The following IARS1 variants were observed in gnomAD, a reference collection of about 807,000 sequenced individuals.
IARS1 encodes isoleucine--tRNA ligase, cytoplasmic.
A neutral mutation model predicts 168.2 loss-of-function variants in IARS1; 124 were observed. That is an observed-to-expected ratio of 0.74 (90% CI 0.64 to 0.86). The LOEUF is 0.86. IARS1 is among the 40% of genes least tolerant of loss of function. The probability of loss-of-function intolerance (pLI) is 0.00; values close to 1 mark genes in which losing one functional copy is unlikely to be tolerated. For missense variants in IARS1, 1,452 were observed against 1,515.8 expected (o/e 0.96, Z 0.70); for synonymous variants, 532 against 529.4 (o/e 1.00, Z -0.07).
intron 30 of IARS1, 23 bp from the exon 31 acceptor site, chr9:92,229,149 CCTCA>C (rs1826227065): frequency 3.1e-6 from 5 of 1,604,644 alleles, no homozygotes; most frequent in Non-Finnish European, 4.3e-6. Flanking sequence ...AAAAATAACA[CCTCA>C]ATCAGACAAA....
Position 92,278,236 on chromosome 9 carries a change from G to GCCA in IARS1, c.795_796insTGG (p.Ala265_Leu266insTrp). On this transcript the variant is annotated inframe_insertion, in exon 8 of 34. Transcript: ENST00000443024. ...TCATAGTCACTCTCCAATTTATAGA[G>GCCA]GGCTGACAATCTGGCTTCCATTAAA... is the stretch of plus-strand genomic sequence containing the variant. 1 of 1,612,470 alleles carries GCCA rather than the reference G, an allele frequency of 6.2e-7. No homozygotes were observed.
chr9:92,222,781 C>T (rs571879436), intron 32 of IARS1, 109 bp from the exon 33 acceptor site: 21 of 981,462 alleles, frequency 2.1e-5, no homozygotes, highest in Admixed American at 4.7e-5. Flanking sequence ...GCCAGCAGTG[C>T]GTCCAGGAGC....
chr9:92,287,656 G>T, intron 4 of IARS1, 135 bp downstream of exon 4: 1 of 894,534 alleles, frequency 1.1e-6, no homozygotes, highest in Non-Finnish European at 1.6e-6. Flanking sequence ...TTAAGTAATA[G>T]GGTTGAAGGT....
intron 33 of IARS1, among the ~76,000 whole-genome samples, chr9:92,222,220 G>A (rs1334917322): frequency 6.6e-6 from 1 of 151,592 alleles, no homozygotes; most frequent in East Asian, 2.0e-4. Flanking sequence ...GGAAGTCTGA[G>A]GCAGGAGAAT....
intron 19 of IARS1, among the ~76,000 whole-genome samples, chr9:92,258,499 G>A (rs1831048130): frequency 6.6e-6 from 1 of 152,230 alleles, no homozygotes; most frequent in Non-Finnish European, 1.5e-5. Flanking sequence ...GGGAGGCTGA[G>A]GCAGTGCCTC....
chr9:92,268,942 A>T (rs1316737750), intron 13 of IARS1, among the ~76,000 whole-genome samples: 2 of 152,138 alleles, frequency 1.3e-5, no homozygotes, highest in African/African-American at 4.8e-5. Context: ...AATCCTTTTC[A>T]AGCACAAGGC....
chr9:92,247,921 T>A (rs1282137702), intron 25 of IARS1, among the ~76,000 whole-genome samples: 1 of 152,008 alleles, frequency 6.6e-6, no homozygotes, highest in South Asian at 2.1e-4. Context: ...GAGGGGAAAA[T>A]GGTTTGTGAA....
chr9:92,239,716 G>GC (rs1199874814), intron 30 of IARS1, among the ~76,000 whole-genome samples: 3 of 152,082 alleles, frequency 2.0e-5, no homozygotes, highest in Non-Finnish European at 4.4e-5. Flanking sequence ...GCTCATTACT[G>GC]CCCCCCACTA....
rs1272817914 is a variant in IARS1 at position 92,285,851 on chromosome 9, T to TG, written c.480-13dup. 2.1e-6 allele frequency: 3 copies of TG among 1,436,222 alleles called. No homozygotes were observed. In the East Asian group the frequency reaches 6.8e-5, roughly 33 times the overall value. 89.0% of individuals were successfully genotyped at this position (1,436,222 alleles called of 1,614,324 possible). A position where few individuals can be genotyped will look rare whatever the true frequency, so the allele number is the denominator to read the frequency against. On this transcript the variant is annotated splice_polypyrimidine_tract_variant and intron_variant, in intron 5 of 33. Transcript: ENST00000443024. ...GTTTGAAGACCCACCTGGTAAGAGA[T>TG]GGAGTTTCACAATTACAGAACAAAA... is the stretch of plus-strand genomic sequence containing the variant.
intron 22 of IARS1, chr9:92,251,100 C>T: frequency 2.0e-6 from 1 of 506,580 alleles, no homozygotes; most frequent in Non-Finnish European, 3.8e-6. Context: ...AATGATGTAT[C>T]AGCCAAGTCA....
rs1587784729 is a variant in IARS1 at position 92,247,304 on chromosome 9, G to A, written c.2791+73C>T. The A allele has an allele frequency of 2.1e-6, 3 of 1,416,632 alleles. No homozygotes were observed. The East Asian group carries it at 6.9e-5, about 33-fold the overall frequency. 87.8% of individuals were successfully genotyped at this position (1,416,632 alleles called of 1,614,324 possible). ...GAAAGGAAAGGATGTGATATTAAAA[G>A]TCAAACAGTAGCCTAAAAAGTATCC... On this transcript the variant is annotated intron_variant, in intron 26 of 33. Coordinates refer to ENST00000443024, the MANE Select transcript of IARS1 (RefSeq NM_002161.6).
rs1830288934 is a variant in IARS1, at chr9:92,253,436, C to T, written c.2155G>A (p.Val719Met). ...ACAAACTTGACCAGGCGAGGCACCA[C>T]AGTATAAAGCCTATAAGCTAAAAGT... Reference protein sequence around the residue: ...TEMAAYRLYTVVPRLVKFVDI... With the variant: ...TEMAAYRLYTMVPRLVKFVDI... The change falls in exon 21 of 34, where the codon GTG (valine) becomes ATG (methionine). Residue 719 changes from valine (V) to methionine (M), a missense_variant. Physicochemically the swap from Val to Met is conservative, Grantham distance 21 (BLOSUM62 1). Coordinates refer to ENST00000443024, the MANE Select transcript of IARS1 (RefSeq NM_002161.6). 6.2e-7 allele frequency: 1 copy of T among 1,612,974 alleles called. No homozygotes were observed. The highest frequency in any genetic ancestry group is 8.5e-7 in the Non-Finnish European group (1 of 1,179,020).
chr9:92,240,124 T>C (rs752790544), intron 30 of IARS1, among the ~76,000 whole-genome samples: 3 of 152,190 alleles, frequency 2.0e-5, no homozygotes, highest in Non-Finnish European at 2.9e-5. Flanking sequence ...CTTACATCTT[T>C]GAGAGTCTTC....
chr9:92,277,498 C>T (rs1021537466), intron 9 of IARS1, among the ~76,000 whole-genome samples: 2 of 151,852 alleles, frequency 1.3e-5, no homozygotes, highest in African/African-American at 2.4e-5. Context: ...GGCAGCATAG[C>T]GAGATTCTGT....
intron 15 of IARS1, 142 bp from the exon 16 acceptor site, chr9:92,265,265 CAG>C: frequency 1.2e-6 from 1 of 839,210 alleles, no homozygotes. Context: ...CAAAGGCTTT[CAG>C]AGAGCACCAT....
chr9:92,261,011 G>A (rs1057218035), intron 17 of IARS1, among the ~76,000 whole-genome samples: 2 of 151,964 alleles, frequency 1.3e-5, no homozygotes, highest in East Asian at 1.9e-4. Flanking sequence ...GGAATTATGT[G>A]GATTTAAAAA....
At position 92,288,058 on chromosome 9, in the gene IARS1, A is replaced by G. The variant is rs368219781; in HGVS notation, c.276+68T>C. The G allele has an allele frequency of 2.8e-5, 43 of 1,540,258 alleles. No homozygotes were observed. In the East Asian group the frequency reaches 5.4e-4, roughly 19 times the overall value. ...GTCAACGTTCATCATACTTGAACAT[A>G]TTATATGACAAAATCTAATGCTTAT... On this transcript the variant is annotated intron_variant, in intron 3 of 33. Coordinates refer to ENST00000443024, the MANE Select transcript of IARS1 (RefSeq NM_002161.6).
intron 1 of IARS1, chr9:92,292,734 C>G (rs549418877): frequency 6.5e-6 from 1 of 153,524 alleles, no homozygotes. Context: ...CCTCAACTTC[C>G]CGTTCAGCAA....
chr9:92,253,873 A>T (rs373178258), intron 20 of IARS1: 121 of 473,632 alleles, frequency 2.6e-4, no homozygotes, highest in African/African-American at 2.2e-3. Context: ...AAAAAGCACA[A>T]TTCAGATGCT....
Sources: gnomAD v4.1 joint callset for allele counts (sites outside exome capture counted in the v4.1 genomes callset) on GRCh38, gnomAD v4.1.1 for gene constraint, MANE v1.5 for transcripts, NCBI Gene and HGNC (gene_info 2026-07-23, HGNC 2026-07-21) for gene names.